NFASC: variants seen among roughly 807,000 people sequenced by gnomAD.
NFASC encodes the protein neurofascin, also known as neurofascin homolog.
In NFASC, 43 loss-of-function variants were observed where a neutral mutation model predicts 147.5. That is an observed-to-expected ratio of 0.29 (90% CI 0.23 to 0.38). The LOEUF (loss-of-function observed/expected upper bound fraction) is 0.38, where lower values mean the gene tolerates loss of function less well. Among genes scored for constraint, NFASC ranks in the 10% least tolerant of loss-of-function variants. The pLI is 1.00. For synonymous variants in NFASC, 622 were observed against 665.5 expected, an observed-to-expected ratio of 0.93 and a Z score of 1.01; for missense variants, 1,320 against 1,689.0, an observed-to-expected ratio of 0.78 and a Z score of 3.83.
intron 1 of NFASC, chr1:204,871,201 G>C (rs2077623444): frequency 1.1e-6 from 1 of 899,570 alleles, no homozygotes; most frequent in Non-Finnish European, 1.5e-6. Flanking sequence ...CTAAGACTGT[G>C]GTTGTGCACA....
At chr1:204,950,704 G>A in intron 4 of NFASC, 130 bp downstream of exon 4, 1 of 824,638 alleles carries the variant, frequency 1.2e-6, no homozygotes, top group Non-Finnish European at 2.1e-6. Context: ...GCCCTGTAGT[G>A]AGGTATCTTA....
At chr1:204,866,470 T>C (rs2077120939) in intron 1 of NFASC, among the ~76,000 whole-genome samples, 1 of 152,186 alleles carries the variant, frequency 6.6e-6, no homozygotes. Context: ...CCTGTCTCAT[T>C]TGACCTTGAA....
At chr1:204,921,527 C>T (rs1397731524) in intron 2 of NFASC, among the ~76,000 whole-genome samples, 1 of 151,972 alleles carries the variant, frequency 6.6e-6, no homozygotes, top group East Asian at 1.9e-4. Context: ...CTTTTTTCCT[C>T]CCAGAAAGAG....
intron 1 of NFASC, among the ~76,000 whole-genome samples, chr1:204,838,481 T>C (rs970773194): frequency 6.6e-6 from 1 of 152,214 alleles, no homozygotes; most frequent in Non-Finnish European, 1.5e-5. Context: ...CTTGTTTTCA[T>C]AATGAGAAAA....
intron 1 of NFASC, among the ~76,000 whole-genome samples, chr1:204,901,100 G>C (rs1013405904): frequency 1.3e-5 from 2 of 152,176 alleles, no homozygotes; most frequent in African/African-American, 2.4e-5. Context: ...GAAAGGCTGT[G>C]TGTGGTGGGG....
At chr1:204,983,568 G>T (rs1295117388) in intron 21 of NFASC, among the ~76,000 whole-genome samples, 2 of 152,140 alleles carry the variant, frequency 1.3e-5, no homozygotes, top group Non-Finnish European at 2.9e-5. Flanking sequence ...CTGTAGCCCA[G>T]CAAAGAGGAA....
chr1:204,946,725 G>A (rs1476710859), intron 3 of NFASC: 8 of 519,116 alleles, frequency 1.5e-5, no homozygotes, highest in Non-Finnish European at 3.1e-5. Context: ...ATAGAAACAA[G>A]TTAAAGTACC....
At chr1:205,001,720 CA>C (rs2095991373) in intron 26 of NFASC, among the ~76,000 whole-genome samples, 1 of 152,172 alleles carries the variant, frequency 6.6e-6, no homozygotes, top group African/African-American at 2.4e-5. Context: ...CAGCGGCCCC[CA>C]GTCAGAGCCA....
chr1:205,008,661 C>T (rs2096187100), intron 27 of NFASC: 1 of 152,678 alleles, frequency 6.5e-6, no homozygotes, highest in African/African-American at 2.4e-5. Context: ...CTCCTTAGCA[C>T]CTGTACTTCA....
chr1:204,962,555 G>A lies in NFASC; in HGVS notation c.706+4729G>A, dbSNP rs180850100. On this transcript the variant is annotated intron_variant, in intron 8 of 29. Transcript: ENST00000339876. Reference sequence around the variant, plus strand: ...ACAGGAAGTCTGGTTCCTATTGGTAGTTGAAAGAACACAGAAAGCTTGTTA... The same window carrying A: ...ACAGGAAGTCTGGTTCCTATTGGTAATTGAAAGAACACAGAAAGCTTGTTA... Among the ~76,000 whole-genome samples the A allele has an allele frequency of 1.2e-3, 187 of 152,370 alleles. 1 individual carries two copies. Among genetic ancestry groups the A allele is most frequent in the African/African-American group, 4.2e-3 (174 of 41,596 alleles).
chr1:204,993,618 G>A (rs1198333367), intron 24 of NFASC: 5 of 357,622 alleles, frequency 1.4e-5, no homozygotes, highest in East Asian at 1.0e-4. Flanking sequence ...GCTTCCAGCC[G>A]AAGCCCACTC....
chr1:205,008,051 G>T (rs78391223), intron 27 of NFASC, among the ~76,000 whole-genome samples: 5 of 152,056 alleles, frequency 3.3e-5, no homozygotes, highest in Non-Finnish European at 7.4e-5. Context: ...TTTTCAGCCC[G>T]GGGCGCCCTG....
At chr1:204,911,168 C>A (rs2087370766) in intron 1 of NFASC, among the ~76,000 whole-genome samples, 1 of 152,078 alleles carries the variant, frequency 6.6e-6, no homozygotes, top group Non-Finnish European at 1.5e-5. Flanking sequence ...CTAATTTTGT[C>A]AGATGCTTTC....
intron 8 of NFASC, among the ~76,000 whole-genome samples, chr1:204,966,522 A>G (rs2094959194): frequency 6.6e-6 from 1 of 152,100 alleles, no homozygotes; most frequent in Non-Finnish European, 1.5e-5. Flanking sequence ...TGATTCCGTG[A>G]TGGTGGGTGG....
intron 7 of NFASC, among the ~76,000 whole-genome samples, chr1:204,956,158 G>A (rs937514125): frequency 5.3e-5 from 8 of 152,072 alleles, no homozygotes; most frequent in Non-Finnish European, 7.4e-5. Flanking sequence ...CCCCAGCCCC[G>A]GCCACCATCA....
chr1:204,979,257 TGA>T lies in NFASC; in HGVS notation c.1979-98_1979-97del, dbSNP rs1301930010. 18 of 1,075,146 alleles carry T rather than the reference TGA, an allele frequency of 1.7e-5. No homozygotes were observed. The highest frequency in any genetic ancestry group is 5.7e-6 in the Non-Finnish European group (4 of 698,172). 66.6% of individuals were successfully genotyped at this position (1,075,146 alleles called of 1,614,324 possible). ...GAAGAATTCTCCTTGTGCCTTTGTG[TGA>T]GAGAGATTATAAAGATCAATGGAAG... On this transcript the variant is annotated intron_variant, in intron 18 of 29. Transcript: ENST00000339876. The surrounding 1 kb of genome is among the most constrained non-coding windows in gnomAD (Gnocchi z 6.0).
At chr1:204,992,264 C>A (rs1046702187) in intron 24 of NFASC, among the ~76,000 whole-genome samples, 1 of 152,166 alleles carries the variant, frequency 6.6e-6, no homozygotes, top group African/African-American at 2.4e-5. Flanking sequence ...AGCAGAGCCT[C>A]CTTACATGCC....
intron 1 of NFASC, among the ~76,000 whole-genome samples, chr1:204,838,782 T>C (rs962003374): frequency 6.6e-6 from 1 of 152,254 alleles, no homozygotes; most frequent in Non-Finnish European, 1.5e-5. Flanking sequence ...TTATCTGGTA[T>C]AGTGAACATG....
chr1:204,989,252 A>G (rs2095671323), intron 23 of NFASC: 1 of 186,234 alleles, frequency 5.4e-6, no homozygotes, highest in Non-Finnish European at 1.1e-5. Flanking sequence ...TCAAGGAGGT[A>G]GGGGAAACCG....
Sources: gnomAD v4.1 joint callset for allele counts (sites outside exome capture counted in the v4.1 genomes callset) on GRCh38, gnomAD v4.1.1 for gene constraint, Gnocchi (gnomAD v3.1) non-coding constraint, MANE v1.5 for transcripts, NCBI Gene and HGNC (gene_info 2026-07-23, HGNC 2026-07-21) for gene names.